KLRD1: variants seen among roughly 807,000 people sequenced by gnomAD.
The protein encoded by KLRD1 is killer cell lectin like receptor D1.
In KLRD1, 21 loss-of-function variants were observed where a neutral mutation model predicts 22.6. The observed-to-expected ratio is 0.93, with a 90% CI of 0.66 to 1.34. The LOEUF is 1.34. Ranked by LOEUF, KLRD1 falls within the 40% of genes most tolerant of loss-of-function variation. The pLI, the probability that KLRD1 is intolerant of heterozygous loss-of-function variation, is 0.00. For synonymous variants in KLRD1, 59 were observed against 71.1 expected (o/e 0.83, Z 0.85); for missense variants, 183 against 208.6 (o/e 0.88, Z 0.76).
chr12:10,314,830 C>T lies in KLRD1; in HGVS notation c.*37C>T. On this transcript the variant is annotated 3_prime_UTR_variant, in exon 6 of 6. Transcript: ENST00000336164. ...GGCAGAGAAGGTGGAGAGTAAAGAC[C>T]CAACATTACTAACAATGATACAGTT... The T allele has an allele frequency of 1.9e-6, 3 of 1,564,892 alleles. No homozygotes were observed. The South Asian group carries it at 3.5e-5, about 18-fold the overall frequency.
At chr12:10,293,059 A>G (rs1592066465) in intron 1 of KLRD1, among the ~76,000 whole-genome samples, 1 of 145,544 alleles carries the variant, frequency 6.9e-6, no homozygotes, top group East Asian at 2.0e-4. Context: ...CACCTCTCAC[A>G]GCCTTCATAG....
chr12:10,292,612 A>G (rs188091083), intron 1 of KLRD1, among the ~76,000 whole-genome samples: 132 of 152,322 alleles, frequency 8.7e-4, no homozygotes, highest in African/African-American at 2.9e-3. Flanking sequence ...TTGTAAACAG[A>G]CATGCTGCCA....
chr12:10,300,605 A>C (rs967027162), upstream of KLRD1, among the ~76,000 whole-genome samples: 12 of 152,344 alleles, frequency 7.9e-5, no homozygotes, highest in African/African-American at 2.6e-4. Context: ...AAAATAAGTG[A>C]GCAATGGTTT....
intron 1 of KLRD1, among the ~76,000 whole-genome samples, chr12:10,297,890 T>C (rs1379372657): frequency 6.6e-6 from 1 of 152,144 alleles, no homozygotes; most frequent in East Asian, 1.9e-4. Context: ...TCTGGTCACT[T>C]AGCACTTTTT....
intron 1 of KLRD1, 161 bp from the exon 2 acceptor site, chr12:10,309,227 G>A: frequency 1.9e-6 from 1 of 536,428 alleles, no homozygotes; most frequent in Non-Finnish European, 3.3e-6. Context: ...GTTGGTATTG[G>A]GTGAAGTCCC....
chr12:10,299,777 G>A (rs1949852052), upstream of KLRD1, among the ~76,000 whole-genome samples: 1 of 152,110 alleles, frequency 6.6e-6, no homozygotes. Flanking sequence ...AGCATGTGAT[G>A]ATGTTTGAAG....
chr12:10,270,973 G>A (rs999255738), intron 1 of KLRD1, among the ~76,000 whole-genome samples: 1 of 151,892 alleles, frequency 6.6e-6, no homozygotes, highest in Non-Finnish European at 1.5e-5. Flanking sequence ...TAGTAGAGAC[G>A]AGGTTTCACC....
chr12:10,293,016 A>T, intron 1 of KLRD1, among the ~76,000 whole-genome samples: 1 of 147,686 alleles, frequency 6.8e-6, no homozygotes, highest in Admixed American at 6.8e-5. Flanking sequence ...AACCTCTGCT[A>T]GTTTCCAATT....
chr12:10,287,240 C>T (rs1565460125), intron 1 of KLRD1, among the ~76,000 whole-genome samples: 1 of 151,966 alleles, frequency 6.6e-6, no homozygotes, highest in Admixed American at 6.5e-5. Context: ...GATGGATATG[C>T]ATTGTAAGGC....
At position 10,323,238 on chromosome 12, in the gene KLRD1, T is replaced by G. The variant is rs1469983067; in HGVS notation, c.*8445T>G. ...TATTTAGGCCCTTTAGTTCACGCTT[T>G]AAAAACTAGTGATAATTTATTCATA... On this transcript the variant is annotated 3_prime_UTR_variant, in exon 6 of 6. Coordinates refer to ENST00000336164, the MANE Select transcript of KLRD1 (RefSeq NM_002262.5). 1 of 152,208 alleles carries G rather than the reference T, an allele frequency of 6.6e-6. No individual in the cohort carries two copies. Among genetic ancestry groups the G allele is most frequent in the Admixed American group, 6.5e-5 (1 of 15,282 alleles). The allele number at this position is 152,208 out of a possible 1,614,324, so 9.4% of individuals were successfully genotyped here.
At chr12:10,266,361 G>A (rs1949498741) in intron 1 of KLRD1, among the ~76,000 whole-genome samples, 1 of 151,838 alleles carries the variant, frequency 6.6e-6, no homozygotes, top group Non-Finnish European at 1.5e-5. Context: ...CAATTCAATG[G>A]GCAAAGGATG....
At chr12:10,265,223 CATATT>C (rs1242173346) in intron 1 of KLRD1, among the ~76,000 whole-genome samples, 1 of 147,406 alleles carries the variant, frequency 6.8e-6, no homozygotes, top group African/African-American at 2.7e-5. Context: ...CTTATTTTAT[CATATT>C]ATATATAGAC....
chr12:10,288,242 C>CAAAAAA (rs71300167), intron 1 of KLRD1, among the ~76,000 whole-genome samples: 2 of 94,918 alleles, frequency 2.1e-5, no homozygotes, highest in African/African-American at 3.7e-5. Context: ...GACTCCGTCT[C>CAAAAAA]AAAAAAAAAA....
chr12:10,260,631 T>G (rs1483297071), intron 1 of KLRD1, among the ~76,000 whole-genome samples: 1 of 119,072 alleles, frequency 8.4e-6, no homozygotes, highest in Non-Finnish European at 1.7e-5. Context: ...TGAAACCCCG[T>G]CTCTACTAAA....
chr12:10,303,333 T>C (rs931590593), upstream of KLRD1, among the ~76,000 whole-genome samples: 3 of 152,148 alleles, frequency 2.0e-5, no homozygotes, highest in Non-Finnish European at 2.9e-5. Context: ...GGCTGGATGA[T>C]TGACACTTGA....
chr12:10,289,449 G>A (rs76440580), intron 1 of KLRD1, among the ~76,000 whole-genome samples: 3,077 of 152,266 alleles, frequency 0.02, 36 homozygotes, highest in Non-Finnish European at 0.031. Flanking sequence ...AACAATCAGG[G>A]AAACTGTCAA....
intron 1 of KLRD1, among the ~76,000 whole-genome samples, chr12:10,252,539 C>T (rs566628090): frequency 1.2e-4 from 19 of 152,170 alleles, no homozygotes; most frequent in Non-Finnish European, 2.1e-4. Context: ...CCACCACATT[C>T]TCAAGTTATA....
At chr12:10,281,829 G>A (rs1212452869) in intron 1 of KLRD1, among the ~76,000 whole-genome samples, 3 of 152,170 alleles carry the variant, frequency 2.0e-5, no homozygotes, top group Non-Finnish European at 4.4e-5. Context: ...TGGAGACTCC[G>A]GGGAAGCAGG....
At position 10,326,246 on chromosome 12, in the gene KLRD1, C is replaced by T. The variant is rs867949623; in HGVS notation, c.*11453C>T. The T allele has an allele frequency of 1.3e-5, 2 of 151,990 alleles. No individual in the cohort carries two copies. The highest frequency in any genetic ancestry group is 2.4e-5 in the African/African-American group (1 of 41,382). The allele number at this position is 151,990 out of a possible 1,614,324, so 9.4% of individuals were successfully genotyped here. A position where few individuals can be genotyped will look rare whatever the true frequency, so the allele number is the denominator to read the frequency against. ...GATATATGATTTGCAATTATTTTCT[C>T]CCATTCTGTAGATCATCCTTTCATT... On this transcript the variant is annotated 3_prime_UTR_variant, in exon 6 of 6. Transcript: ENST00000336164.
Sources: allele counts gnomAD v4.1 joint callset (sites outside exome capture counted in the v4.1 genomes callset), GRCh38; gene constraint gnomAD v4.1.1; transcripts MANE v1.5; gene names NCBI Gene and HGNC (gene_info 2026-07-23, HGNC 2026-07-21).